Variants in TMEM132D observed in about 807,000 individuals in gnomAD.
The protein encoded by TMEM132D is mature OL transmembrane protein.
In TMEM132D, 21 loss-of-function variants were observed where a neutral mutation model predicts 62.3. The observed-to-expected ratio is 0.34, with a 90% CI of 0.24 to 0.49. The LOEUF is 0.49. Among genes scored for constraint, TMEM132D ranks in the 20% least tolerant of loss-of-function variants. TMEM132D has a pLI of 0.99. For synonymous variants in TMEM132D, 621 were observed against 575.6 expected, an observed-to-expected ratio of 1.08 and a Z score of -1.13; for missense variants, 1,346 against 1,402.8, an observed-to-expected ratio of 0.96 and a Z score of 0.65.
chr12:129,113,028 T>C (rs1875772926), intron 5 of TMEM132D: 1 of 152,210 alleles, frequency 6.6e-6, no homozygotes, highest in Admixed American at 6.5e-5. Context: ...GTTTTCTTTT[T>C]TCTTCTGAGC....
At chr12:129,118,090 T>C (rs899734355) in intron 5 of TMEM132D, among the ~76,000 whole-genome samples, 2 of 152,208 alleles carry the variant, frequency 1.3e-5, no homozygotes, top group African/African-American at 4.8e-5. Context: ...TTTCCTCTTC[T>C]TTTAAAACAT....
intron 7 of TMEM132D, among the ~76,000 whole-genome samples, chr12:129,079,293 G>T (rs536295919): frequency 6.6e-6 from 1 of 152,262 alleles, no homozygotes; most frequent in Non-Finnish European, 1.5e-5. Context: ...GGGAAACGCA[G>T]CGCATGATGC....
chr12:129,326,446 G>A (rs540470053), intron 4 of TMEM132D, among the ~76,000 whole-genome samples: 4 of 152,092 alleles, frequency 2.6e-5, no homozygotes, highest in South Asian at 2.1e-4. Flanking sequence ...ATTCATATAC[G>A]TGGTTAAAAA....
intron 4 of TMEM132D, among the ~76,000 whole-genome samples, chr12:129,228,701 C>T (rs1333267891): frequency 2.0e-5 from 3 of 152,160 alleles, no homozygotes; most frequent in Non-Finnish European, 4.4e-5. Flanking sequence ...TGTTTCGTTC[C>T]TTTCACAGCT....
At chr12:129,456,132 A>G (rs1873457182) in intron 3 of TMEM132D, among the ~76,000 whole-genome samples, 1 of 152,230 alleles carries the variant, frequency 6.6e-6, no homozygotes, top group Non-Finnish European at 1.5e-5. Context: ...ATTCTGTTTT[A>G]GACTTTGGTT....
chr12:129,513,825 T>TTTA (rs1875578456), intron 3 of TMEM132D, among the ~76,000 whole-genome samples: 1 of 136,744 alleles, frequency 7.3e-6, no homozygotes, highest in Non-Finnish European at 1.6e-5. Flanking sequence ...TATTTATTTA[T>TTTA]TTATTTATTT....
At chr12:129,459,779 G>A (rs1873598747) in intron 3 of TMEM132D, among the ~76,000 whole-genome samples, 1 of 152,114 alleles carries the variant, frequency 6.6e-6, no homozygotes, top group South Asian at 2.1e-4. Flanking sequence ...ATTCAGTTAA[G>A]TTGCATTTAC....
chr12:129,515,969 A>C (rs934460891), intron 3 of TMEM132D, among the ~76,000 whole-genome samples: 2 of 152,218 alleles, frequency 1.3e-5, no homozygotes, highest in Admixed American at 1.3e-4. Context: ...AACCATGCAG[A>C]AAGTGAGGAA....
chr12:129,770,697 C>T (rs74392827), intron 1 of TMEM132D, among the ~76,000 whole-genome samples: 5 of 152,300 alleles, frequency 3.3e-5, no homozygotes, highest in African/African-American at 9.6e-5. Context: ...GCTTGCCTTA[C>T]GCAAGCTCAG....
chr12:129,890,497 T>A (rs999084653), intron 1 of TMEM132D, among the ~76,000 whole-genome samples: 1 of 152,198 alleles, frequency 6.6e-6, no homozygotes, highest in Non-Finnish European at 1.5e-5. Flanking sequence ...GTCTAGCTGC[T>A]ACCTCCTATG....
At chr12:129,350,169 A>G (rs1869819578) in intron 3 of TMEM132D, among the ~76,000 whole-genome samples, 1 of 152,224 alleles carries the variant, frequency 6.6e-6, no homozygotes, top group African/African-American at 2.4e-5. Context: ...TTCAAGCTAC[A>G]GATTTATGTG....
At chr12:129,149,247 G>A (rs1366147453) in intron 5 of TMEM132D, among the ~76,000 whole-genome samples, 3 of 152,050 alleles carry the variant, frequency 2.0e-5, no homozygotes, top group Admixed American at 1.3e-4. Flanking sequence ...GGCAAGGGGA[G>A]GGAGAGCACA....
intron 4 of TMEM132D, among the ~76,000 whole-genome samples, chr12:129,303,000 T>A (rs142605486): frequency 2.4e-4 from 37 of 152,308 alleles, no homozygotes; most frequent in Non-Finnish European, 4.3e-4. Flanking sequence ...GAAACCAATG[T>A]CTTCTACTCC....
intron 1 of TMEM132D, among the ~76,000 whole-genome samples, chr12:129,796,251 T>G (rs1352370864): frequency 1.3e-5 from 2 of 152,150 alleles, no homozygotes; most frequent in Non-Finnish European, 2.9e-5. Flanking sequence ...AAATCTTTTT[T>G]GGGGGGATGA....
At chr12:129,791,884 A>AAC (rs532808741) in intron 1 of TMEM132D, among the ~76,000 whole-genome samples, 174 of 152,274 alleles carry the variant, frequency 1.1e-3, no homozygotes, top group African/African-American at 3.9e-3. Context: ...GAGGCTGTTT[A>AAC]ACACACACAC....
intron 2 of TMEM132D, among the ~76,000 whole-genome samples, chr12:129,696,107 T>C (rs1881201817): frequency 6.6e-6 from 1 of 152,166 alleles, no homozygotes; most frequent in Non-Finnish European, 1.5e-5. Context: ...CACCATATTA[T>C]TTCCTAATAA....
rs960649378 is a variant in TMEM132D, at chr12:129,487,704, G to A, written c.1115+43355C>T. 1.8e-4 allele frequency among the ~76,000 whole-genome samples: 27 copies of A among 151,838 alleles called. 1 individual carries two copies. The highest frequency in any genetic ancestry group is 1.2e-3 in the South Asian group (6 of 4,802). On this transcript the variant is annotated intron_variant, in intron 3 of 8. Transcript: ENST00000422113. ...TCCCAGCACTTTGGGAGGCCGAGGC[G>A]GGCGGATCATGAGGTCAGGAGATCT...
chr12:129,802,668 G>A (rs1266557705), intron 1 of TMEM132D, among the ~76,000 whole-genome samples: 5 of 145,286 alleles, frequency 3.4e-5, no homozygotes, highest in African/African-American at 1.3e-4. Flanking sequence ...ATAATGACAG[G>A]ATCAAACTCA....
chr12:129,896,721 TATA>T (rs1875149783), intron 1 of TMEM132D, among the ~76,000 whole-genome samples: 2 of 152,220 alleles, frequency 1.3e-5, no homozygotes, highest in Admixed American at 6.5e-5. Context: ...CCTTTATTTA[TATA>T]CTTTACTTAC....
Sources: gnomAD v4.1 joint callset for allele counts (sites outside exome capture counted in the v4.1 genomes callset) on GRCh38, gnomAD v4.1.1 for gene constraint, MANE v1.5 for transcripts, NCBI Gene and HGNC (gene_info 2026-07-23, HGNC 2026-07-21) for gene names.